Variants in UBE2H observed in about 807,000 individuals in gnomAD.
The protein encoded by UBE2H is ubiquitin conjugating enzyme E2 H, also known as ubiquitin-conjugating enzyme E2 H.
Under a neutral mutation model 29.0 loss-of-function variants are expected in UBE2H, and 3 were observed. That is an observed-to-expected ratio of 0.10 (90% CI 0.05 to 0.27). The LOEUF (loss-of-function observed/expected upper bound fraction) is 0.27, where lower values mean the gene tolerates loss of function less well. UBE2H is among the 10% of genes least tolerant of loss of function. The probability of loss-of-function intolerance (pLI) is 1.00; values close to 1 mark genes in which losing one functional copy is unlikely to be tolerated. For missense variants in UBE2H, 68 were observed against 228.2 expected, an observed-to-expected ratio of 0.30 and a Z score of 4.52; for synonymous variants, 69 against 82.9, an observed-to-expected ratio of 0.83 and a Z score of 0.91.
At chr7:129,901,747 A>C (rs1243589883) in intron 1 of UBE2H, among the ~76,000 whole-genome samples, 2 of 152,136 alleles carry the variant, frequency 1.3e-5, no homozygotes, top group Non-Finnish European at 2.9e-5. Context: ...GGTGCCCGCC[A>C]CCATGTCTGG....
chr7:129,949,501 C>T (rs940874191), intron 1 of UBE2H, among the ~76,000 whole-genome samples: 4 of 152,116 alleles, frequency 2.6e-5, no homozygotes, highest in African/African-American at 7.2e-5. Context: ...GTTTGCACAA[C>T]CCTTAGCAAA....
chr7:129,900,473 T>C (rs1806687997), intron 1 of UBE2H, among the ~76,000 whole-genome samples: 1 of 152,204 alleles, frequency 6.6e-6, no homozygotes, highest in South Asian at 2.1e-4. Flanking sequence ...TTTGATTTTA[T>C]AGTTTCGAAT....
intron 5 of UBE2H, among the ~76,000 whole-genome samples, chr7:129,850,687 C>T (rs768081889): frequency 2.0e-5 from 3 of 151,914 alleles, no homozygotes; most frequent in Admixed American, 6.6e-5. Context: ...CGGTGGCAGG[C>T]GCCTGTAATC....
chr7:129,926,471 T>C (rs2116481505), intron 1 of UBE2H, among the ~76,000 whole-genome samples: 1 of 147,176 alleles, frequency 6.8e-6, no homozygotes, highest in Non-Finnish European at 1.5e-5. Flanking sequence ...ATCACACCAT[T>C]GCACTCCGCC....
At chr7:129,909,703 A>G (rs1269747844) in intron 1 of UBE2H, among the ~76,000 whole-genome samples, 8 of 152,158 alleles carry the variant, frequency 5.3e-5, no homozygotes, top group Non-Finnish European at 1.2e-4. Context: ...TAAAAAATAT[A>G]TAAATGTACA....
intron 1 of UBE2H, among the ~76,000 whole-genome samples, chr7:129,919,100 T>TAAAAAAAAAAAAAAAA (rs1204331286): frequency 2.9e-4 from 21 of 72,176 alleles, no homozygotes; most frequent in East Asian, 5.1e-4. Flanking sequence ...AAAAACAAAG[T>TAAAAAAAAAAAAAAAA]AAAAAAAAAA....
chr7:129,834,870 G>A lies in UBE2H; in HGVS notation c.*67C>T. The A allele has an allele frequency of 6.3e-7, 1 of 1,581,144 alleles. No homozygotes were observed. The highest frequency in any genetic ancestry group is 8.6e-7 in the Non-Finnish European group (1 of 1,167,672). On this transcript the variant is annotated 3_prime_UTR_variant, in exon 7 of 7. Coordinates refer to ENST00000355621, the MANE Select transcript of UBE2H (RefSeq NM_003344.4). ...AAAAAAAATTGCTTTGTTTAAATATGAATATTATAGTCTGCTTCTCATGGT... is the reference window on the plus strand; with the variant it reads ...AAAAAAAATTGCTTTGTTTAAATATAAATATTATAGTCTGCTTCTCATGGT...
chr7:129,930,907 C>CAAA, intron 1 of UBE2H, among the ~76,000 whole-genome samples: 1 of 30,342 alleles, frequency 3.3e-5, no homozygotes, highest in South Asian at 1.2e-3. Flanking sequence ...GACCCCGTCT[C>CAAA]ACAAAAAAAA....
intron 1 of UBE2H, among the ~76,000 whole-genome samples, chr7:129,895,082 ATCCACTTTT>A (rs1249576641): frequency 6.6e-6 from 1 of 152,244 alleles, no homozygotes; most frequent in African/African-American, 2.4e-5. Flanking sequence ...CTTAATTAAA[ATCCACTTTT>A]TCTGCTCTCA....
At chr7:129,873,020 G>GTTT (rs10677960) in intron 3 of UBE2H, among the ~76,000 whole-genome samples, 5 of 139,730 alleles carry the variant, frequency 3.6e-5, no homozygotes, top group South Asian at 2.3e-4. Flanking sequence ...ATAGCTCAGA[G>GTTT]TTTTTTTTTT....
intron 1 of UBE2H, among the ~76,000 whole-genome samples, chr7:129,946,672 ATCT>A: frequency 6.6e-6 from 1 of 152,214 alleles, no homozygotes; most frequent in Non-Finnish European, 1.5e-5. Context: ...TTGAGATGGA[ATCT>A]TGCTCTGTCC....
chr7:129,873,241 G>C lies in UBE2H; in HGVS notation c.205+6327C>G, dbSNP rs188832897. ...TCACTGTGTTAGCCAGGATGGTCTCGATCTCCTGACCTCGTGATCCACCCG... is the reference window on the plus strand; with the variant it reads ...TCACTGTGTTAGCCAGGATGGTCTCCATCTCCTGACCTCGTGATCCACCCG... On this transcript the variant is annotated intron_variant, in intron 3 of 6. Transcript: ENST00000355621. Among the ~76,000 whole-genome samples the C allele has an allele frequency of 1.8e-3, 273 of 151,468 alleles. 2 individuals are homozygous for C. The East Asian group carries it at 0.03, about 17-fold the overall frequency.
intron 5 of UBE2H, among the ~76,000 whole-genome samples, chr7:129,843,768 A>G (rs1805467401): frequency 6.6e-6 from 1 of 152,206 alleles, no homozygotes; most frequent in African/African-American, 2.4e-5. Context: ...TAACCCGCAG[A>G]CACCTGCACA....
chr7:129,886,650 A>T (rs1221361120), intron 1 of UBE2H, among the ~76,000 whole-genome samples: 1 of 151,882 alleles, frequency 6.6e-6, no homozygotes, highest in African/African-American at 2.4e-5. Flanking sequence ...GGGCAGAAGC[A>T]AGTCGTGTGG....
In UBE2H at chr7:129,917,176, A is replaced by G. The variant is rs531966450; in HGVS notation, c.53+35327T>C. Among the ~76,000 whole-genome samples, 7 of 152,316 alleles carry G rather than the reference A, an allele frequency of 4.6e-5. No homozygotes were observed. The South Asian group carries it at 1.2e-3, about 27-fold the overall frequency. On this transcript the variant is annotated intron_variant, in intron 1 of 6. Coordinates refer to ENST00000355621, the MANE Select transcript of UBE2H (RefSeq NM_003344.4). ...GCCACTGCACTCCGGCCTGGCAACA[A>G]AGCGAGACTCCGTCTCAAACAAACA...
At chr7:129,893,275 T>C (rs1026819530) in intron 1 of UBE2H, among the ~76,000 whole-genome samples, 1 of 152,212 alleles carries the variant, frequency 6.6e-6, no homozygotes, top group Non-Finnish European at 1.5e-5. Flanking sequence ...AAAAACCAAG[T>C]AAATGTTACT....
At chr7:129,924,342 C>T (rs1416934986) in intron 1 of UBE2H, among the ~76,000 whole-genome samples, 1 of 152,120 alleles carries the variant, frequency 6.6e-6, no homozygotes, top group African/African-American at 2.4e-5. Context: ...AACATTAACA[C>T]AGGTTTCTGA....
rs1807903042 is a variant in UBE2H, at chr7:129,952,594, GTCACGGGCCCGGGGCCCCGGC to G, written c.-60_-40del. The stretch of plus-strand genomic sequence containing the variant: ...CCTCTCTCCCTTCCTCGGCCCGTCT[GTCACGGGCCCGGGGCCCCGGC>G]TCTGAGGAGCCCGCGGCCGCGCCGG... On this transcript the variant is annotated 5_prime_UTR_variant, in exon 1 of 7. Transcript: ENST00000355621. 1.9e-6 allele frequency: 3 copies of G among 1,604,796 alleles called. No individual in the cohort carries two copies. In the Admixed American group the frequency reaches 5.0e-5, roughly 27 times the overall value.
intron 3 of UBE2H, among the ~76,000 whole-genome samples, chr7:129,866,703 A>G (rs527920568): frequency 6.6e-6 from 1 of 152,194 alleles, no homozygotes; most frequent in Admixed American, 6.5e-5. Context: ...AAAATAGCAC[A>G]TGTACCCCAA....
Sources: allele counts gnomAD v4.1 joint callset (sites outside exome capture counted in the v4.1 genomes callset), GRCh38; gene constraint gnomAD v4.1.1; transcripts MANE v1.5; gene names NCBI Gene and HGNC (gene_info 2026-07-23, HGNC 2026-07-21).